The following COL4A1 variants were observed in gnomAD, a reference collection of about 807,000 sequenced individuals.
COL4A1 encodes the protein collagen type IV alpha 1 chain.
A neutral mutation model predicts 216.6 loss-of-function variants in COL4A1; 40 were observed. The observed-to-expected ratio is 0.18, with a 90% confidence interval of 0.14 to 0.24. The LOEUF (loss-of-function observed/expected upper bound fraction) is 0.24. Ranked by LOEUF, COL4A1 falls within the 10% of genes least tolerant of loss-of-function variation. The probability of loss-of-function intolerance (pLI) is 1.00; values close to 1 mark genes in which losing one functional copy is unlikely to be tolerated. For synonymous variants in COL4A1, 839 were observed against 810.7 expected (o/e 1.03, Z -0.59); for missense variants, 1,628 against 2,196.8 (o/e 0.74, Z 5.18).
chr13:110,276,498 G>A (rs1039456829), intron 1 of COL4A1, among the ~76,000 whole-genome samples: 3 of 152,076 alleles, frequency 2.0e-5, no homozygotes, highest in Admixed American at 6.6e-5. Flanking sequence ...CACCCGGAGC[G>A]TTTTTATACA....
intron 36 of COL4A1, 65 bp downstream of exon 36, chr13:110,176,359 G>A: frequency 9.2e-7 from 1 of 1,087,538 alleles, no homozygotes; most frequent in Non-Finnish European, 1.4e-6. Context: ...ATCTCATTCT[G>A]CAGACATGCC....
intron 42 of COL4A1, among the ~76,000 whole-genome samples, chr13:110,170,123 AAGGAAGGAAG>A (rs1159839530): frequency 4.3e-5 from 1 of 23,148 alleles, no homozygotes; most frequent in East Asian, 4.1e-3. Context: ...AGAAGGAAGG[AAGGAAGGAAG>A]GAAGGAAGGA....
rs922682296 is a variant in COL4A1, at chr13:110,176,284, G to T, written c.3058+140C>A. On this transcript the variant is annotated intron_variant, in intron 36 of 51. Transcript: ENST00000375820. The stretch of plus-strand genomic sequence containing the variant: ...ATCCCTGAGCAGGAGACCATTCAGA[G>T]CTGGGGATGTGAATTCATGTGAAAG... The T allele has an allele frequency of 1.3e-5, 9 of 717,512 alleles. No individual in the cohort carries two copies. The African/African-American group carries it at 1.6e-4, about 12-fold the overall frequency. 44.4% of individuals were successfully genotyped at this position (717,512 alleles called of 1,614,324 possible). A position where few individuals can be genotyped will look rare whatever the true frequency, so the allele number is the denominator to read the frequency against.
chr13:110,179,303 G>A lies in COL4A1; in HGVS notation c.2312C>T (p.Ala771Val), dbSNP rs748767250. The A allele has an allele frequency of 1.1e-5, 18 of 1,613,906 alleles. No homozygotes were observed. Among genetic ancestry groups the A allele is most frequent in the Admixed American group, 5.0e-5 (3 of 59,980 alleles). ...GVPGVPGEHG[A>V]IGPPGLQGIR... ...CCCCTGAAGCCCAGGGGGTCCGATC[G>A]CTCCATGTTCTCCAGGAACGCCTGG... The change falls in exon 30 of 52, where the codon GCG (alanine) becomes GTG (valine). Residue 771 changes from alanine to valine, a missense_variant. Around this residue, in one of 8 missense-constraint regions of COL4A1, gnomAD observed 701 missense variants for 892.5 expected, o/e 0.79. Coordinates refer to ENST00000375820, the MANE Select transcript of COL4A1 (RefSeq NM_001845.6).
intron 43 of COL4A1, among the ~76,000 whole-genome samples, chr13:110,167,727 C>T (rs1338840419): frequency 9.2e-5 from 14 of 152,122 alleles, no homozygotes; most frequent in African/African-American, 2.4e-5. Flanking sequence ...TGCTAAGGAA[C>T]GAGTATTTTC....
chr13:110,172,665 C>T (rs1380617665), intron 41 of COL4A1, 55 bp downstream of exon 41: 5 of 1,538,768 alleles, frequency 3.2e-6, no homozygotes, highest in Non-Finnish European at 4.5e-6. Context: ...CCTTGTTCTG[C>T]TAATCAGGCA....
chr13:110,163,366 T>G (rs1877173790), intron 47 of COL4A1, 97 bp downstream of exon 47: 1 of 1,013,428 alleles, frequency 9.9e-7, no homozygotes, highest in Non-Finnish European at 1.5e-6. Context: ...AAGTGATATA[T>G]CCAACTTCAT....
chr13:110,213,082 A>C (rs762927014), intron 4 of COL4A1, among the ~76,000 whole-genome samples: 8 of 152,188 alleles, frequency 5.3e-5, no homozygotes. Context: ...ATGTAAAGGC[A>C]TAAGAGTGAT....
At chr13:110,297,917 C>T (rs768229025) in intron 1 of COL4A1, among the ~76,000 whole-genome samples, 4 of 149,972 alleles carry the variant, frequency 2.7e-5, no homozygotes, top group Non-Finnish European at 5.9e-5. Context: ...TTTACTTTCG[C>T]TGATGTAAAA....
At chr13:110,248,868 A>T (rs1186045543) in intron 1 of COL4A1, among the ~76,000 whole-genome samples, 1 of 152,166 alleles carries the variant, frequency 6.6e-6, no homozygotes, top group South Asian at 2.1e-4. Context: ...ATAACCACAC[A>T]CAGATGCAGC....
At chr13:110,152,584 G>T in intron 50 of COL4A1, 78 bp from the exon 51 acceptor site, 1 of 1,494,720 alleles carries the variant, frequency 6.7e-7, no homozygotes, top group African/African-American at 1.4e-5. Flanking sequence ...TCCCAGGAAG[G>T]CGCCAGGGTG....
chr13:110,224,035 A>G (rs868705908), intron 2 of COL4A1, among the ~76,000 whole-genome samples: 2 of 152,300 alleles, frequency 1.3e-5, no homozygotes, highest in Non-Finnish European at 1.5e-5. Context: ...ATGGAATACT[A>G]TCCTCAAAGA....
At position 110,175,605 on chromosome 13, in the gene COL4A1, T is replaced by C. The variant is rs572653319; in HGVS notation, c.3059-248A>G. Among the ~76,000 whole-genome samples, 26 of 152,362 alleles carry C rather than the reference T, an allele frequency of 1.7e-4. No individual in the cohort carries two copies. In the South Asian group the frequency reaches 4.8e-3, roughly 28 times the overall value. On this transcript the variant is annotated intron_variant, in intron 36 of 51. Coordinates refer to ENST00000375820, the MANE Select transcript of COL4A1 (RefSeq NM_001845.6). Reference sequence around the variant, plus strand: ...TCTCTCCCGTCCTTTAAGACCATCATGTTATAAGACAGGGAAGAAATACAT... The same window carrying C: ...TCTCTCCCGTCCTTTAAGACCATCACGTTATAAGACAGGGAAGAAATACAT...
intron 1 of COL4A1, among the ~76,000 whole-genome samples, chr13:110,264,475 G>A (rs1028336433): frequency 5.9e-5 from 9 of 151,988 alleles, no homozygotes; most frequent in African/African-American, 1.7e-4. Context: ...GAGGGAGGAC[G>A]GTAGAAAGAT....
intron 26 of COL4A1, among the ~76,000 whole-genome samples, chr13:110,185,652 G>A (rs368542749): frequency 2.6e-5 from 4 of 152,268 alleles, no homozygotes; most frequent in African/African-American, 7.2e-5. Flanking sequence ...CATGTCTACT[G>A]GGAATCGCAG....
intron 46 of COL4A1, 114 bp from the exon 47 acceptor site, chr13:110,163,675 C>A (rs1566341436): frequency 4.0e-6 from 4 of 1,009,046 alleles, no homozygotes; most frequent in Middle Eastern, 2.5e-4. Flanking sequence ...AGTCTCACTG[C>A]AGATGAGAAC....
At chr13:110,244,589 T>A (rs1254878219) in intron 1 of COL4A1, among the ~76,000 whole-genome samples, 1 of 152,152 alleles carries the variant, frequency 6.6e-6, no homozygotes, top group Non-Finnish European at 1.5e-5. Flanking sequence ...GGTACCTAAC[T>A]CAGCCAGTAC....
chr13:110,229,826 G>A (rs1018031460), intron 2 of COL4A1, among the ~76,000 whole-genome samples: 9 of 152,186 alleles, frequency 5.9e-5, no homozygotes, highest in Non-Finnish European at 1.2e-4. Context: ...GCATCCTGGG[G>A]AGACTAAGAG....
intron 1 of COL4A1, among the ~76,000 whole-genome samples, chr13:110,290,769 T>C (rs1248039427): frequency 5.9e-5 from 9 of 152,258 alleles, no homozygotes; most frequent in African/African-American, 9.6e-5. Flanking sequence ...CAAAGAAATC[T>C]ATAACTGGTT....
Sources: allele counts gnomAD v4.1 joint callset (sites outside exome capture counted in the v4.1 genomes callset), GRCh38; gene constraint gnomAD v4.1.1; regional missense constraint gnomAD v4.1.1; transcripts MANE v1.5; gene names NCBI Gene and HGNC (gene_info 2026-07-23, HGNC 2026-07-21).